The following ROBO1 variants were observed in gnomAD, a reference collection of about 807,000 sequenced individuals.
ROBO1 encodes the protein roundabout guidance receptor 1, also known as roundabout homolog 1.
Under a neutral mutation model 195.9 loss-of-function variants are expected in ROBO1, and 149 were observed. The ratio of observed to expected loss-of-function variants is 0.76; its 90% CI spans 0.67 to 0.87. ROBO1 has a LOEUF of 0.87. ROBO1 is among the 40% of genes least tolerant of loss of function. The pLI, the probability that ROBO1 is intolerant of heterozygous loss-of-function variation, is 0.00. For missense variants in ROBO1, 1,933 were observed against 2,068.3 expected (o/e 0.93, Z 1.27); for synonymous variants, 816 against 733.2 (o/e 1.11, Z -1.82).
At chr3:79,455,894 G>A (rs1404761525) in intron 2 of ROBO1, among the ~76,000 whole-genome samples, 1 of 152,092 alleles carries the variant, frequency 6.6e-6, no homozygotes, top group East Asian at 1.9e-4. Flanking sequence ...TCTAGAGACT[G>A]CATATAACTA....
chr3:79,673,926 A>G (rs1946707371), intron 1 of ROBO1, among the ~76,000 whole-genome samples: 1 of 151,984 alleles, frequency 6.6e-6, no homozygotes, highest in Non-Finnish European at 1.5e-5. Flanking sequence ...CTCATTTTAA[A>G]CTTTCCCTCC....
chr3:79,040,978 G>A (rs1197757258), intron 3 of ROBO1, among the ~76,000 whole-genome samples: 2 of 152,052 alleles, frequency 1.3e-5, no homozygotes, highest in African/African-American at 4.8e-5. Context: ...ACATCCTCAT[G>A]AGCCTTGGCA....
chr3:78,905,103 C>T (rs1250909225), intron 4 of ROBO1, among the ~76,000 whole-genome samples: 2 of 152,048 alleles, frequency 1.3e-5, no homozygotes, highest in Admixed American at 1.3e-4. Flanking sequence ...AAAGATGCTG[C>T]AGGAATAATA....
At chr3:79,159,604 A>C (rs939970999) in intron 2 of ROBO1, among the ~76,000 whole-genome samples, 11 of 152,004 alleles carry the variant, frequency 7.2e-5, no homozygotes, top group Admixed American at 6.6e-5. Flanking sequence ...CAGTTGTATA[A>C]TTGATTGAGT....
At chr3:79,063,626 T>C (rs1042189068) in intron 3 of ROBO1, among the ~76,000 whole-genome samples, 1 of 151,858 alleles carries the variant, frequency 6.6e-6, no homozygotes, top group Admixed American at 6.6e-5. Flanking sequence ...GGATCATTTC[T>C]TCCTCCTTGA....
chr3:79,734,610 G>A (rs1410208155), intron 1 of ROBO1, among the ~76,000 whole-genome samples: 1 of 152,182 alleles, frequency 6.6e-6, no homozygotes, highest in Non-Finnish European at 1.5e-5. Flanking sequence ...ACTTGTGATT[G>A]AGAATAGAGC....
chr3:78,702,980 C>T (rs532590914), intron 8 of ROBO1, among the ~76,000 whole-genome samples: 1 of 152,258 alleles, frequency 6.6e-6, no homozygotes, highest in East Asian at 1.9e-4. Context: ...TTCAAATTCT[C>T]TGTAGGAAGG....
intron 2 of ROBO1, among the ~76,000 whole-genome samples, chr3:79,453,455 T>C: frequency 6.6e-6 from 1 of 152,202 alleles, no homozygotes; most frequent in African/African-American, 2.4e-5. Context: ...GGGACTTAAC[T>C]CTGACAAATT....
intron 2 of ROBO1, among the ~76,000 whole-genome samples, chr3:79,300,980 C>T (rs2032915963): frequency 6.6e-6 from 1 of 152,098 alleles, no homozygotes; most frequent in Non-Finnish European, 1.5e-5. Flanking sequence ...TGGGCTCTAC[C>T]AATCAGCAAG....
At chr3:79,285,231 G>A (rs2031814435) in intron 2 of ROBO1, among the ~76,000 whole-genome samples, 1 of 152,110 alleles carries the variant, frequency 6.6e-6, no homozygotes, top group African/African-American at 2.4e-5. Context: ...CAGCAAGGAA[G>A]GGTTATTAAA....
intron 6 of ROBO1, 37 bp downstream of exon 6, chr3:78,717,726 A>G: frequency 6.2e-7 from 1 of 1,601,720 alleles, no homozygotes; most frequent in Non-Finnish European, 8.5e-7. Context: ...TAAGAGATCT[A>G]TTTTTCAATG....
chr3:79,079,279 A>C (rs1167319153), intron 3 of ROBO1, among the ~76,000 whole-genome samples: 2 of 151,824 alleles, frequency 1.3e-5, no homozygotes, highest in Non-Finnish European at 3.0e-5. Flanking sequence ...TCTCAGACCT[A>C]AATTCTAGAA....
chr3:79,535,043 A>G (rs996444910), intron 2 of ROBO1, among the ~76,000 whole-genome samples: 2 of 150,744 alleles, frequency 1.3e-5, no homozygotes, highest in Non-Finnish European at 3.0e-5. Context: ...TCTCCTAGAA[A>G]ACAATTTGTA....
At chr3:79,767,549 G>T (rs989114822) in intron 1 of ROBO1, among the ~76,000 whole-genome samples, 1 of 152,196 alleles carries the variant, frequency 6.6e-6, no homozygotes, top group African/African-American at 2.4e-5. Context: ...CGATCGCAAG[G>T]CTGCAATTTC....
chr3:78,864,217 C>A (rs969426631), intron 4 of ROBO1, among the ~76,000 whole-genome samples: 1 of 152,172 alleles, frequency 6.6e-6, no homozygotes, highest in Non-Finnish European at 1.5e-5. Context: ...ATGCCATTTA[C>A]CTTTTCTTGA....
At chr3:79,150,084 G>T (rs569884002) in intron 2 of ROBO1, among the ~76,000 whole-genome samples, 1 of 151,738 alleles carries the variant, frequency 6.6e-6, no homozygotes, top group Non-Finnish European at 1.5e-5. Flanking sequence ...TAATTTGTCA[G>T]TTGCAGTTCA....
intron 2 of ROBO1, among the ~76,000 whole-genome samples, chr3:79,468,894 T>C (rs905342439): frequency 6.6e-6 from 1 of 152,154 alleles, no homozygotes; most frequent in Non-Finnish European, 1.5e-5. Context: ...AAAAGGTAAA[T>C]ATAAGAGTAT....
chr3:79,229,639 G>T (rs1261076974), intron 2 of ROBO1, among the ~76,000 whole-genome samples: 1 of 151,904 alleles, frequency 6.6e-6, no homozygotes, highest in Non-Finnish European at 1.5e-5. Flanking sequence ...GTAGAGGTGA[G>T]GTCTCACTTT....
chr3:79,545,089 A>G (rs1942215477), intron 2 of ROBO1, among the ~76,000 whole-genome samples: 1 of 152,122 alleles, frequency 6.6e-6, no homozygotes, highest in South Asian at 2.1e-4. Flanking sequence ...TAAAAAATGG[A>G]TAGAATTAAA....
Sources: gnomAD v4.1 joint callset for allele counts (sites outside exome capture counted in the v4.1 genomes callset) on GRCh38, gnomAD v4.1.1 for gene constraint, MANE v1.5 for transcripts, NCBI Gene and HGNC (gene_info 2026-07-23, HGNC 2026-07-21) for gene names.